The following GALK2 variants were observed in gnomAD, a reference collection of about 807,000 sequenced individuals.
GALK2 encodes the protein N-acetylgalactosamine kinase.
Under a neutral mutation model 52.4 loss-of-function variants are expected in GALK2, and 36 were observed. The observed-to-expected ratio is 0.69, with a 90% CI of 0.53 to 0.91. The LOEUF is 0.91. Ranked by LOEUF, GALK2 falls within the 40% of genes least tolerant of loss-of-function variation. The probability of loss-of-function intolerance (pLI) is 0.00; values close to 1 mark genes in which losing one functional copy is unlikely to be tolerated. For synonymous variants in GALK2, 176 were observed against 199.1 expected, an observed-to-expected ratio of 0.88 and a Z score of 0.98; for missense variants, 579 against 559.1, an observed-to-expected ratio of 1.04 and a Z score of -0.36.
chr15:49,205,849 AT>A (rs1172507447), intron 2 of GALK2, among the ~76,000 whole-genome samples: 2 of 152,022 alleles, frequency 1.3e-5, no homozygotes, highest in Non-Finnish European at 2.9e-5. Context: ...ATCTGCTAGA[AT>A]TTTTTTAGTT....
intron 5 of GALK2, among the ~76,000 whole-genome samples, chr15:49,266,502 G>A (rs988199315): frequency 6.6e-6 from 1 of 152,166 alleles, no homozygotes; most frequent in Non-Finnish European, 1.5e-5. Flanking sequence ...TCTCTGTTTT[G>A]CTTGTCTGTT....
intron 5 of GALK2, among the ~76,000 whole-genome samples, chr15:49,272,914 AGTGG>A (rs2030951164): frequency 6.6e-6 from 1 of 152,162 alleles, no homozygotes; most frequent in Non-Finnish European, 1.5e-5. Flanking sequence ...AGGTTAAGGA[AGTGG>A]TCTTTGTCTT....
intron 5 of GALK2, among the ~76,000 whole-genome samples, chr15:49,273,181 G>T (rs1270308650): frequency 6.6e-6 from 1 of 151,960 alleles, no homozygotes; most frequent in Non-Finnish European, 1.5e-5. Context: ...AGCTATGTGT[G>T]AAAAAAGCAT....
At chr15:49,242,358 G>T (rs1180107895) in intron 5 of GALK2, among the ~76,000 whole-genome samples, 1 of 152,170 alleles carries the variant, frequency 6.6e-6, no homozygotes, top group African/African-American at 2.4e-5. Context: ...GAGTAATGTT[G>T]CCAGAAATGC....
intron 2 of GALK2, among the ~76,000 whole-genome samples, chr15:49,210,028 C>T (rs764806369): frequency 3.9e-5 from 6 of 152,126 alleles, no homozygotes; most frequent in Non-Finnish European, 5.9e-5. Flanking sequence ...TTGGTGCGTT[C>T]AGGTTTTCTA....
chr15:49,318,977 G>A (rs538052122), intron 8 of GALK2: 31 of 446,382 alleles, frequency 6.9e-5, no homozygotes, highest in Admixed American at 5.1e-4. Flanking sequence ...TTGAGACGGA[G>A]TCGTGCTCTA....
intron 1 of GALK2, among the ~76,000 whole-genome samples, chr15:49,163,135 A>G (rs1367069696): frequency 1.3e-5 from 2 of 152,204 alleles, no homozygotes; most frequent in Non-Finnish European, 2.9e-5. Flanking sequence ...GTTGCTCCAC[A>G]TCCTTGCCAA....
intron 8 of GALK2, among the ~76,000 whole-genome samples, chr15:49,314,808 C>T (rs1178532652): frequency 6.6e-6 from 1 of 152,174 alleles, no homozygotes; most frequent in East Asian, 1.9e-4. Context: ...GTGGGCTACT[C>T]CAGATTGGAG....
chr15:49,230,735 GTT>G (rs2090455389), intron 3 of GALK2, among the ~76,000 whole-genome samples: 1 of 152,160 alleles, frequency 6.6e-6, no homozygotes, highest in African/African-American at 2.4e-5. Flanking sequence ...CTGGGCAGAT[GTT>G]TCTTTGAAGA....
intron 3 of GALK2, chr15:49,365,437 T>C: frequency 1.1e-6 from 1 of 928,522 alleles, no homozygotes; most frequent in Non-Finnish European, 1.8e-6. Context: ...GCAACAGGCC[T>C]GTACAATAAT....
At chr15:49,281,114 C>T (rs896237275) in intron 5 of GALK2, among the ~76,000 whole-genome samples, 3 of 152,176 alleles carry the variant, frequency 2.0e-5, no homozygotes, top group South Asian at 2.1e-4. Flanking sequence ...GGATTACAGG[C>T]GTAAGCCACA....
At chr15:49,364,541 A>C (rs960935621) in intron 3 of GALK2, among the ~76,000 whole-genome samples, 12 of 152,174 alleles carry the variant, frequency 7.9e-5, no homozygotes, top group Non-Finnish European at 1.6e-4. Context: ...ATACACATGC[A>C]GTCTGAAGTA....
chr15:49,320,082 G>A lies in GALK2; in HGVS notation c.1169+277G>A, dbSNP rs1412889979. 2.0e-5 allele frequency among the ~76,000 whole-genome samples: 3 copies of A among 152,152 alleles called. No homozygotes were observed. The East Asian group carries it at 5.8e-4, about 29-fold the overall frequency. The stretch of plus-strand genomic sequence containing the variant: ...GAGAAAGACCTTTCCGTCTTTGGAT[G>A]ATTAGGCCTTTCAGGATGGTAACTT... On this transcript the variant is annotated intron_variant, in intron 9 of 9. Coordinates refer to ENST00000560031, the MANE Select transcript of GALK2 (RefSeq NM_002044.4).
downstream of GALK2, chr15:49,334,255 T>C: frequency 1.0e-6 from 1 of 984,676 alleles, no homozygotes; most frequent in African/African-American, 1.7e-5. Flanking sequence ...TGCTGCTGTT[T>C]TAGAAGTTTT....
intron 5 of GALK2, among the ~76,000 whole-genome samples, chr15:49,250,548 A>C (rs2091547872): frequency 6.6e-6 from 1 of 152,184 alleles, no homozygotes. Flanking sequence ...CACCAAAGAC[A>C]AATCACATGT....
chr15:49,235,557 A>C lies in GALK2; in HGVS notation c.267-294A>C, dbSNP rs1410932450. On this transcript the variant is annotated intron_variant, in intron 3 of 9. Transcript: ENST00000560031. ...TTCATGTGGTTTACACCAGTTTAAC[A>C]AGGACCAACATGAAAGAGAAAATAG... The C allele has an allele frequency of 1.9e-5, 10 of 526,746 alleles. No homozygotes were observed. In the East Asian group the frequency reaches 4.3e-4, roughly 22 times the overall value. The allele number at this position is 526,746 out of a possible 1,614,324, so 32.6% of individuals were successfully genotyped here. A position where few individuals can be genotyped will look rare whatever the true frequency, so the allele number is the denominator to read the frequency against.
chr15:49,365,907 A>G (rs2045091646), intron 3 of GALK2: 2 of 967,918 alleles, frequency 2.1e-6, no homozygotes, highest in Non-Finnish European at 1.7e-6. Flanking sequence ...AGTTGTACAG[A>G]CTCATTGCTG....
intron 9 of GALK2, among the ~76,000 whole-genome samples, chr15:49,323,955 T>G (rs1415501421): frequency 6.6e-6 from 1 of 152,254 alleles, no homozygotes; most frequent in Non-Finnish European, 1.5e-5. Context: ...ATAAAGTATC[T>G]TTTGTAGCCA....
Position 49,308,819 on chromosome 15 carries a change from G to T in GALK2, c.968-10785G>T, listed in dbSNP as rs182011667. Among the ~76,000 whole-genome samples the T allele has an allele frequency of 1.2e-4, 18 of 152,334 alleles. No individual in the cohort carries two copies. In the East Asian group the frequency reaches 3.5e-3, roughly 29 times the overall value. On this transcript the variant is annotated intron_variant, in intron 8 of 9. Coordinates refer to ENST00000560031, the MANE Select transcript of GALK2 (RefSeq NM_002044.4). ...ATTTGATCATGTTGGAACTTGGAAG[G>T]TTGCTCTGGAGAGAAGACTCAAATA...
Sources: gnomAD v4.1 joint callset for allele counts (sites outside exome capture counted in the v4.1 genomes callset) on GRCh38, gnomAD v4.1.1 for gene constraint, MANE v1.5 for transcripts, NCBI Gene and HGNC (gene_info 2026-07-23, HGNC 2026-07-21) for gene names.